The following ADGB variants were observed in gnomAD, a reference collection of about 807,000 sequenced individuals.
The protein encoded by ADGB is calpain-7-like protein.
In ADGB, 172 loss-of-function variants were observed where a neutral mutation model predicts 210.5. The ratio of observed to expected loss-of-function variants is 0.82; its 90% CI spans 0.72 to 0.93. The LOEUF is 0.93. Ranked by LOEUF, ADGB falls within the 40% of genes least tolerant of loss-of-function variation. ADGB has a pLI of 0.00. For missense variants in ADGB, 2,025 were observed against 1,964.8 expected, an observed-to-expected ratio of 1.03 and a Z score of -0.58; for synonymous variants, 658 against 662.7, an observed-to-expected ratio of 0.99 and a Z score of 0.11.
At chr6:146,636,236 A>G (rs1260397060) in intron 2 of ADGB, among the ~76,000 whole-genome samples, 1 of 152,082 alleles carries the variant, frequency 6.6e-6, no homozygotes, top group Admixed American at 6.6e-5. Context: ...TATAGAAAAC[A>G]ATATAATTTT....
chr6:146,686,200 G>C (rs931375585), intron 10 of ADGB, among the ~76,000 whole-genome samples: 4 of 151,970 alleles, frequency 2.6e-5, no homozygotes, highest in Non-Finnish European at 5.9e-5. Context: ...TAGGCCACAT[G>C]CGTTTTCTTA....
chr6:146,806,660 G>C (rs1181584208), intron 35 of ADGB, among the ~76,000 whole-genome samples: 2 of 152,168 alleles, frequency 1.3e-5, no homozygotes, highest in Non-Finnish European at 2.9e-5. Context: ...GTCTTTTCAG[G>C]CTAGCATCTC....
At chr6:146,772,409 ATATAT>A (rs1357162980) in intron 29 of ADGB, among the ~76,000 whole-genome samples, 5 of 130,618 alleles carry the variant, frequency 3.8e-5, no homozygotes, top group African/African-American at 1.3e-4. Context: ...AGTTAAATAT[ATATAT>A]TATATTTATT....
Position 146,654,150 on chromosome 6 carries a change from A to T in ADGB, c.346A>T (p.Lys116Ter), listed in dbSNP as rs1338640659. ...TTTTTTTCAGACTCCAGTAGTTGTG[A>T]AAAATGAAATCACGTTTGACTTATT... The part of the protein sequence containing the change: ...ILFSQTPVVV[K>*]NEITFDLFSA... The change falls in exon 4 of 36, where the codon AAA (lysine) becomes TAA (stop). Residue 116 changes from lysine (K) to a stop codon, truncating the protein, a stop_gained. Transcript: ENST00000397944. LOFTEE classifies it high-confidence loss of function. The T allele has an allele frequency of 1.7e-5, 26 of 1,540,006 alleles. No individual in the cohort carries two copies. The highest frequency in any genetic ancestry group is 2.3e-5 in the Non-Finnish European group (26 of 1,138,446).
At chr6:146,788,688 A>C in intron 33 of ADGB, 78 bp downstream of exon 33, 1 of 1,231,182 alleles carries the variant, frequency 8.1e-7, no homozygotes, top group South Asian at 1.3e-5. Flanking sequence ...CTTAAACATC[A>C]GTGACGGCTA....
At position 146,746,470 on chromosome 6, in the gene ADGB, A is replaced by G. The variant is rs548668079; in HGVS notation, c.3365+361A>G. Among the ~76,000 whole-genome samples, 8 of 152,216 alleles carry G rather than the reference A, an allele frequency of 5.3e-5. No individual in the cohort carries two copies. In the South Asian group the frequency reaches 1.7e-3, roughly 32 times the overall value. The stretch of plus-strand genomic sequence containing the variant: ...CTTCTTTTTATGTTCATCTATGTGC[A>G]GTGTTCTCCTTAAATAGCCTAATCA... On this transcript the variant is annotated intron_variant, in intron 26 of 35. Transcript: ENST00000397944.
At chr6:146,601,363 A>G (rs1167065204) in intron 1 of ADGB, among the ~76,000 whole-genome samples, 2 of 152,216 alleles carry the variant, frequency 1.3e-5, no homozygotes, top group Admixed American at 6.5e-5. Flanking sequence ...AAGATTTGTT[A>G]GAGACTATTG....
At chr6:146,711,827 T>C (rs1300018302) in intron 13 of ADGB, among the ~76,000 whole-genome samples, 1 of 151,924 alleles carries the variant, frequency 6.6e-6, no homozygotes, top group Non-Finnish European at 1.5e-5. Context: ...CTCAGGAGTT[T>C]GAGGCAGCCT....
At chr6:146,777,953 C>T (rs1467456122) in intron 29 of ADGB, among the ~76,000 whole-genome samples, 3 of 152,204 alleles carry the variant, frequency 2.0e-5, no homozygotes, top group African/African-American at 7.2e-5. Flanking sequence ...TTTCTACACT[C>T]ACCAAAACTG....
At chr6:146,672,153 T>A in intron 7 of ADGB, 67 bp from the exon 8 acceptor site, 1 of 1,440,306 alleles carries the variant, frequency 6.9e-7, no homozygotes, top group Non-Finnish European at 9.2e-7. Context: ...TGTCAGTAAT[T>A]TCTTGCGAAG....
chr6:146,631,437 T>C (rs2114854606), intron 1 of ADGB, among the ~76,000 whole-genome samples: 1 of 152,252 alleles, frequency 6.6e-6, no homozygotes, highest in South Asian at 2.1e-4. Flanking sequence ...GAAGCTGGAA[T>C]ACAACATAAC....
In ADGB at chr6:146,701,385, G is replaced by A. The variant is rs1030445593; in HGVS notation, c.1707+315G>A. ...CTTGTTTGTGAGATTCCTCCCTTTT[G>A]TTTCATGTCCTGTTCATTTCACTAA... On this transcript the variant is annotated intron_variant, in intron 13 of 35. Coordinates refer to ENST00000397944, the MANE Select transcript of ADGB (RefSeq NM_024694.4). Among the ~76,000 whole-genome samples the A allele has an allele frequency of 4.5e-4, 69 of 151,932 alleles. No individual in the cohort carries two copies. The East Asian group carries it at 8.7e-3, about 19-fold the overall frequency.
Position 146,661,040 on chromosome 6 carries a change from C to A in ADGB, c.613-3161C>A, listed in dbSNP as rs187715337. 1.8e-3 allele frequency among the ~76,000 whole-genome samples: 279 copies of A among 152,100 alleles called. 2 individuals are homozygous for A. Among genetic ancestry groups the A allele is most frequent in the African/African-American group, 6.4e-3 (266 of 41,524 alleles). ...TTGATTGACCTATAGTGCTTTCAAG[C>A]AAATCTCTTCACTTTATGAATTAAA... On this transcript the variant is annotated intron_variant, in intron 5 of 35. Transcript: ENST00000397944.
In ADGB at chr6:146,691,217, A is replaced by G; in HGVS notation, c.1413A>G (p.Pro471=). 6.5e-7 allele frequency: 1 copy of G among 1,549,310 alleles called. No homozygotes were observed. The highest frequency in any genetic ancestry group is 8.7e-7 in the Non-Finnish European group (1 of 1,146,328). ...GGTCTTGTCCTCTGGTAGCACCACCAAAACCACCTCCTCTACCTCCCTGGA... is the reference window on the plus strand; with the variant it reads ...GGTCTTGTCCTCTGGTAGCACCACCGAAACCACCTCCTCTACCTCCCTGGA... The part of the protein sequence containing the change: ...RSRSCPLVAP[P]KPPPLPPWKL... Residue 471 remains proline, a synonymous_variant, in exon 11 of 36, where the codon CCA becomes CCG. Transcript: ENST00000397944.
At chr6:146,719,108 T>C (rs1562282518) in intron 16 of ADGB, among the ~76,000 whole-genome samples, 1 of 152,198 alleles carries the variant, frequency 6.6e-6, no homozygotes, top group Non-Finnish European at 1.5e-5. Flanking sequence ...TCACTCCTCA[T>C]AGCAAACCCT....
intron 33 of ADGB, among the ~76,000 whole-genome samples, chr6:146,794,622 TA>T (rs1214743446): frequency 6.6e-6 from 1 of 151,938 alleles, no homozygotes; most frequent in Non-Finnish European, 1.5e-5. Context: ...CATGCAAAAT[TA>T]AATAGTTAAG....
intron 23 of ADGB, among the ~76,000 whole-genome samples, chr6:146,737,568 A>G (rs1370641353): frequency 6.6e-6 from 1 of 152,212 alleles, no homozygotes; most frequent in Non-Finnish European, 1.5e-5. Context: ...AGATTACTTG[A>G]TTAACCTTTA....
chr6:146,660,567 A>G (rs1775841488), intron 5 of ADGB, among the ~76,000 whole-genome samples: 1 of 152,158 alleles, frequency 6.6e-6, no homozygotes, highest in Admixed American at 6.6e-5. Flanking sequence ...GTCATTTTCT[A>G]TGCTAATATA....
Position 146,801,972 on chromosome 6 carries a change from G to T in ADGB, c.4779G>T (p.Lys1593Asn), listed in dbSNP as rs1244077090. 6.5e-7 allele frequency: 1 copy of T among 1,550,024 alleles called. No individual in the cohort carries two copies. The highest frequency in any genetic ancestry group is 8.7e-7 in the Non-Finnish European group (1 of 1,146,368). Residue 1593 changes from lysine (K) to asparagine (N), a missense_variant, in exon 35 of 36, where the codon AAG becomes AAT. Transcript: ENST00000397944. ...ACATTGACCAAGAAGAGCGGTTGAAGTTAAAGGATGAAGTCCTGGATATGT... is the reference window on the plus strand; with the variant it reads ...ACATTGACCAAGAAGAGCGGTTGAATTTAAAGGATGAAGTCCTGGATATGT... ...IRNIDQEERLKLKDEVLDMYK... is the reference protein window; with the variant it reads ...IRNIDQEERLNLKDEVLDMYK...
Sources: allele counts gnomAD v4.1 joint callset (sites outside exome capture counted in the v4.1 genomes callset), GRCh38; gene constraint gnomAD v4.1.1; transcripts MANE v1.5; gene names NCBI Gene and HGNC (gene_info 2026-07-23, HGNC 2026-07-21).